PTPRK: variants seen among roughly 807,000 people sequenced by gnomAD.
The protein encoded by PTPRK is protein tyrosine phosphatase receptor type K.
PTPRK carries 75 observed loss-of-function variants against 178.0 expected under a neutral mutation model. The observed-to-expected ratio is 0.42, with a 90% CI of 0.35 to 0.51. The LOEUF is 0.51. PTPRK is among the 20% of genes least tolerant of loss of function. The probability of loss-of-function intolerance (pLI) is 0.02; values close to 1 mark genes in which losing one functional copy is unlikely to be tolerated. For missense variants in PTPRK, 1,441 were observed against 1,797.8 expected (o/e 0.80, Z 3.59); for synonymous variants, 637 against 620.6 (o/e 1.03, Z -0.39).
intron 25 of PTPRK, among the ~76,000 whole-genome samples, chr6:127,979,254 T>C (rs1774978834): frequency 6.6e-6 from 1 of 152,022 alleles, no homozygotes; most frequent in Admixed American, 6.6e-5. Context: ...CAGCCTGTGC[T>C]ACAGAGTGAG....
intron 2 of PTPRK, among the ~76,000 whole-genome samples, chr6:128,332,092 C>T (rs1307904650): frequency 3.3e-5 from 5 of 152,118 alleles, no homozygotes; most frequent in African/African-American, 9.7e-5. Context: ...TTACCCGCTA[C>T]ACTACACATT....
At chr6:128,389,069 T>A (rs1482286475) in intron 2 of PTPRK, among the ~76,000 whole-genome samples, 1 of 152,160 alleles carries the variant, frequency 6.6e-6, no homozygotes, top group Non-Finnish European at 1.5e-5. Flanking sequence ...TCAGCATGGC[T>A]AGGTGGAGAC....
At chr6:128,162,765 G>A (rs1798877514) in intron 7 of PTPRK, among the ~76,000 whole-genome samples, 1 of 151,604 alleles carries the variant, frequency 6.6e-6, no homozygotes. Context: ...AGAGACGGTA[G>A]TCAAATACTT....
chr6:128,239,042 T>TC (rs1302095285), intron 5 of PTPRK, among the ~76,000 whole-genome samples: 3 of 150,914 alleles, frequency 2.0e-5, no homozygotes, highest in African/African-American at 7.3e-5. Context: ...CTAATAGTTA[T>TC]CCCCAACACT....
chr6:128,020,128 G>C (rs907185100), intron 13 of PTPRK, among the ~76,000 whole-genome samples: 3 of 152,058 alleles, frequency 2.0e-5, no homozygotes, highest in Non-Finnish European at 4.4e-5. Flanking sequence ...TAATGAGCTG[G>C]TTCACATTTA....
chr6:128,318,153 A>G (rs1489547927), intron 3 of PTPRK, among the ~76,000 whole-genome samples: 1 of 152,136 alleles, frequency 6.6e-6, no homozygotes, highest in Non-Finnish European at 1.5e-5. Context: ...CAGAGGAGGG[A>G]CATCCCCTCT....
intron 13 of PTPRK, among the ~76,000 whole-genome samples, chr6:128,015,443 T>G (rs1779499568): frequency 6.6e-6 from 1 of 151,690 alleles, no homozygotes. Context: ...TGGTTCTGAA[T>G]TCTCCACCCC....
At chr6:128,234,988 C>T (rs1812961809) in intron 5 of PTPRK, among the ~76,000 whole-genome samples, 1 of 152,004 alleles carries the variant, frequency 6.6e-6, no homozygotes, top group Non-Finnish European at 1.5e-5. Context: ...TTGTATATTT[C>T]AAAATAACTT....
chr6:128,459,110 A>T (rs1001821652), intron 1 of PTPRK, among the ~76,000 whole-genome samples: 1 of 152,118 alleles, frequency 6.6e-6, no homozygotes, highest in Non-Finnish European at 1.5e-5. Flanking sequence ...ATGTGTTGGG[A>T]ATCTTTGGCA....
At chr6:128,112,315 G>A (rs1163649786) in intron 7 of PTPRK, among the ~76,000 whole-genome samples, 1 of 152,016 alleles carries the variant, frequency 6.6e-6, no homozygotes, top group Non-Finnish European at 1.5e-5. Flanking sequence ...TGTAAAAACT[G>A]CATGCATGGC....
chr6:128,407,041 C>T (rs1841735790), intron 1 of PTPRK, among the ~76,000 whole-genome samples: 2 of 152,172 alleles, frequency 1.3e-5, no homozygotes, highest in Non-Finnish European at 1.5e-5. Context: ...ACTATTTGGA[C>T]TCCCTCCAAT....
intron 3 of PTPRK, among the ~76,000 whole-genome samples, chr6:128,294,638 G>T (rs529662034): frequency 3.3e-5 from 5 of 152,098 alleles, no homozygotes; most frequent in South Asian, 2.1e-4. Flanking sequence ...TATCATTTTG[G>T]TAGACAGAGG....
At chr6:128,494,457 G>A (rs1854367489) in intron 1 of PTPRK, among the ~76,000 whole-genome samples, 1 of 152,022 alleles carries the variant, frequency 6.6e-6, no homozygotes, top group South Asian at 2.1e-4. Flanking sequence ...TTTGTGATCC[G>A]CCAGACTTGC....
intron 11 of PTPRK, among the ~76,000 whole-genome samples, chr6:128,070,574 C>A (rs867476689): frequency 6.6e-6 from 1 of 151,906 alleles, no homozygotes; most frequent in African/African-American, 2.4e-5. Context: ...GGCTTCCAAG[C>A]ATACTTTCTA....
intron 1 of PTPRK, among the ~76,000 whole-genome samples, chr6:128,444,978 A>G (rs1846750900): frequency 6.6e-6 from 1 of 151,970 alleles, no homozygotes; most frequent in Non-Finnish European, 1.5e-5. Flanking sequence ...ATACAATACC[A>G]TAAATATACT....
At chr6:128,198,880 T>C (rs1805402236) in intron 6 of PTPRK, among the ~76,000 whole-genome samples, 1 of 152,218 alleles carries the variant, frequency 6.6e-6, no homozygotes, top group Non-Finnish European at 1.5e-5. Context: ...ATTACATTTA[T>C]GTCTTCAGTG....
At chr6:128,352,936 T>G (rs1833392575) in intron 2 of PTPRK, among the ~76,000 whole-genome samples, 1 of 152,174 alleles carries the variant, frequency 6.6e-6, no homozygotes, top group South Asian at 2.1e-4. Context: ...AAACTGTCAT[T>G]TTTTACAAAT....
Position 128,407,183 on chromosome 6 carries a change from C to T in PTPRK, c.101-9495G>A, listed in dbSNP as rs984116351. On this transcript the variant is annotated intron_variant, in intron 1 of 29. Coordinates refer to ENST00000368226, the MANE Select transcript of PTPRK (RefSeq NM_002844.4). ...TTAGTTAGTATTTTAGTTAGGAAAA[C>T]ATCTAGATCAAGCTTGTCCAACCCA... is the stretch of plus-strand genomic sequence containing the variant. 3.9e-5 allele frequency among the ~76,000 whole-genome samples: 6 copies of T among 152,266 alleles called. No individual in the cohort carries two copies. The East Asian group carries it at 1.2e-3, about 29-fold the overall frequency.
chr6:128,467,597 T>C (rs1850036237), intron 1 of PTPRK, among the ~76,000 whole-genome samples: 1 of 152,220 alleles, frequency 6.6e-6, no homozygotes, highest in South Asian at 2.1e-4. Flanking sequence ...CAAAATTCAA[T>C]ACCGGTGATC....
Sources: allele counts gnomAD v4.1 joint callset (sites outside exome capture counted in the v4.1 genomes callset), GRCh38; gene constraint gnomAD v4.1.1; transcripts MANE v1.5; gene names NCBI Gene and HGNC (gene_info 2026-07-23, HGNC 2026-07-21).